The following ADAMTSL3 variants were observed in gnomAD, a reference collection of about 807,000 sequenced individuals.
The protein encoded by ADAMTSL3 is ADAMTS-like protein 3.
Under a neutral mutation model 201.7 loss-of-function variants are expected in ADAMTSL3, and 128 were observed. The observed-to-expected ratio is 0.63, with a 90% confidence interval of 0.55 to 0.73. ADAMTSL3 has a LOEUF of 0.73. ADAMTSL3 is among the 30% of genes least tolerant of loss of function. ADAMTSL3 has a pLI of 0.00. For missense variants in ADAMTSL3, 1,990 were observed against 2,119.6 expected (o/e 0.94, Z 1.20); for synonymous variants, 738 against 748.4 (o/e 0.99, Z 0.23).
intron 2 of ADAMTSL3, among the ~76,000 whole-genome samples, chr15:83,702,330 G>A (rs11636437): frequency 0.28 from 42,660 of 152,176 alleles, 6,214 homozygotes; most frequent in South Asian, 0.49. Flanking sequence ...CATTTTCTGG[G>A]GAAAAATTCA....
At chr15:83,672,469 G>A (rs2061341125) in intron 2 of ADAMTSL3, among the ~76,000 whole-genome samples, 1 of 152,202 alleles carries the variant, frequency 6.6e-6, no homozygotes, top group Non-Finnish European at 1.5e-5. Context: ...CCGTGAAGCT[G>A]AGGGATGACT....
chr15:83,828,192 T>C (rs182187535), intron 6 of ADAMTSL3, among the ~76,000 whole-genome samples: 2 of 152,312 alleles, frequency 1.3e-5, no homozygotes, highest in African/African-American at 4.8e-5. Context: ...TGTGTCCTCT[T>C]TTATTTCGTT....
chr15:83,958,741 C>T (rs2066903252), intron 19 of ADAMTSL3, among the ~76,000 whole-genome samples: 1 of 151,812 alleles, frequency 6.6e-6, no homozygotes, highest in Non-Finnish European at 1.5e-5. Context: ...ACTGTAGAAA[C>T]AAATCAGAAA....
chr15:83,791,042 G>T (rs1156727425), intron 4 of ADAMTSL3, among the ~76,000 whole-genome samples: 2 of 152,232 alleles, frequency 1.3e-5, no homozygotes, highest in Non-Finnish European at 2.9e-5. Flanking sequence ...GGAGGTGAAA[G>T]ATCTCTACAA....
At chr15:83,888,311 C>A (rs2065437020) in intron 10 of ADAMTSL3, among the ~76,000 whole-genome samples, 4 of 152,162 alleles carry the variant, frequency 2.6e-5, no homozygotes, top group African/African-American at 4.8e-5. Context: ...TGTGATAAAA[C>A]AAAAGAGGAA....
intron 5 of ADAMTSL3, among the ~76,000 whole-genome samples, chr15:83,816,251 A>G (rs2063768842): frequency 6.6e-6 from 1 of 152,200 alleles, no homozygotes; most frequent in Non-Finnish European, 1.5e-5. Flanking sequence ...CCAACCCCAG[A>G]TTGATATGAG....
At chr15:83,823,014 G>A (rs1055084120) in intron 6 of ADAMTSL3, among the ~76,000 whole-genome samples, 4 of 151,884 alleles carry the variant, frequency 2.6e-5, no homozygotes, top group Non-Finnish European at 4.4e-5. Context: ...CCAACACAGC[G>A]AAACCCCGTC....
chr15:83,860,005 A>C (rs2064821679), intron 8 of ADAMTSL3, among the ~76,000 whole-genome samples: 1 of 152,046 alleles, frequency 6.6e-6, no homozygotes, highest in Admixed American at 6.6e-5. Context: ...TCTACGAAAA[A>C]TTAAAAAAAA....
intron 28 of ADAMTSL3, among the ~76,000 whole-genome samples, chr15:84,031,785 T>C (rs939832491): frequency 2.0e-5 from 3 of 152,214 alleles, no homozygotes; most frequent in Admixed American, 2.0e-4. Flanking sequence ...TAAATCTTCT[T>C]AATGCTTTTA....
At chr15:83,921,923 A>G (rs1169005283) in intron 16 of ADAMTSL3, among the ~76,000 whole-genome samples, 2 of 152,070 alleles carry the variant, frequency 1.3e-5, no homozygotes, top group Non-Finnish European at 2.9e-5. Context: ...CTTTTTCTAA[A>G]AAAAAAGGCA....
intron 9 of ADAMTSL3, among the ~76,000 whole-genome samples, chr15:83,880,284 T>A (rs1417799532): frequency 6.6e-6 from 1 of 152,164 alleles, no homozygotes; most frequent in African/African-American, 2.4e-5. Flanking sequence ...ATTTGTCTAA[T>A]TTCCACTTTC....
Position 83,705,634 on chromosome 15 carries a change from C to T in ADAMTSL3, c.189+1126C>T, listed in dbSNP as rs561265777. 1.8e-3 allele frequency among the ~76,000 whole-genome samples: 274 copies of T among 152,076 alleles called. 1 individual carries two copies. Among genetic ancestry groups the T allele is most frequent in the Admixed American group, 2.4e-3 (37 of 15,272 alleles). On this transcript the variant is annotated intron_variant, in intron 3 of 29. Transcript: ENST00000286744. ...CAGAGCATCAGTGGCTGATGCAGGA[C>T]GGAGATTAGAGCATAGAGGGCAGGT...
chr15:83,717,372 A>T (rs1238065796), intron 3 of ADAMTSL3: 1 of 152,216 alleles, frequency 6.6e-6, no homozygotes, highest in East Asian at 1.9e-4. Context: ...ATGTATAAGA[A>T]CTGTATGAGA....
intron 3 of ADAMTSL3, chr15:83,717,531 C>G (rs2062036566): frequency 6.6e-6 from 1 of 152,036 alleles, no homozygotes; most frequent in Admixed American, 6.6e-5. Context: ...TTAAAAAAGA[C>G]CAGTTAGTTG....
chr15:83,858,122 TTAC>T (rs1302869711), intron 7 of ADAMTSL3, among the ~76,000 whole-genome samples: 3 of 152,196 alleles, frequency 2.0e-5, no homozygotes, highest in African/African-American at 7.2e-5. Flanking sequence ...ATGGTCTTCA[TTAC>T]TACAACTCAA....
Position 83,942,887 on chromosome 15 carries a change from C to A in ADAMTSL3, c.2311-16C>A, listed in dbSNP as rs369335702. The A allele has an allele frequency of 5.0e-5, 81 of 1,609,332 alleles. No homozygotes were observed. Among genetic ancestry groups the A allele is most frequent in the Non-Finnish European group, 6.3e-5 (74 of 1,177,720 alleles). On this transcript the variant is annotated splice_polypyrimidine_tract_variant and intron_variant, in intron 18 of 29. Transcript: ENST00000286744. ...GTGGGCCAAGCCTGCCGCCTCACCC[C>A]CTCTTGTCTTCTTAGTGTTCCAGGA...
intron 17 of ADAMTSL3, among the ~76,000 whole-genome samples, chr15:83,942,132 A>G (rs1348435260): frequency 6.6e-6 from 1 of 152,210 alleles, no homozygotes; most frequent in Non-Finnish European, 1.5e-5. Flanking sequence ...CACATTATAT[A>G]TATGTTGTAA....
At chr15:83,985,247 T>C (rs909744732) in intron 21 of ADAMTSL3, among the ~76,000 whole-genome samples, 4 of 152,176 alleles carry the variant, frequency 2.6e-5, no homozygotes, top group African/African-American at 9.7e-5. Context: ...AAAAAAGTCT[T>C]TAAGTTTTGG....
intron 27 of ADAMTSL3, among the ~76,000 whole-genome samples, chr15:84,026,348 CTT>C (rs1452395118): frequency 1.3e-5 from 2 of 152,146 alleles, no homozygotes; most frequent in Non-Finnish European, 2.9e-5. Context: ...AGCTGTAAGA[CTT>C]ATTATTACTA....
Sources: gnomAD v4.1 joint callset for allele counts (sites outside exome capture counted in the v4.1 genomes callset) on GRCh38, gnomAD v4.1.1 for gene constraint, MANE v1.5 for transcripts, NCBI Gene and HGNC (gene_info 2026-07-23, HGNC 2026-07-21) for gene names.